The following LIN52 variants were observed in gnomAD, a reference collection of about 807,000 sequenced individuals.
LIN52 encodes the protein lin-52 DREAM MuvB core complex component.
A neutral mutation model predicts 18.5 loss-of-function variants in LIN52; 4 were observed. That is an observed-to-expected ratio of 0.22 (90% CI 0.11 to 0.49). The LOEUF is 0.49. Among genes scored for constraint, LIN52 ranks in the 20% least tolerant of loss-of-function variants. The pLI is 0.97. For missense variants in LIN52, 102 were observed against 139.5 expected, an observed-to-expected ratio of 0.73 and a Z score of 1.35; for synonymous variants, 34 against 45.5, an observed-to-expected ratio of 0.75 and a Z score of 1.02.
chr14:74,198,391 C>T (rs1362198083), intron 5 of LIN52, among the ~76,000 whole-genome samples: 1 of 152,170 alleles, frequency 6.6e-6, no homozygotes, highest in South Asian at 2.1e-4. Flanking sequence ...ATAAACCCTA[C>T]TTTATGACAC....
At chr14:74,119,173 T>C (rs1001561499) in intron 5 of LIN52, among the ~76,000 whole-genome samples, 2 of 148,738 alleles carry the variant, frequency 1.3e-5, no homozygotes, top group African/African-American at 4.9e-5. Flanking sequence ...TTTTTTTTTT[T>C]TTTTTTGAGA....
At chr14:74,116,553 A>G (rs1014870732) in intron 5 of LIN52, among the ~76,000 whole-genome samples, 3 of 152,060 alleles carry the variant, frequency 2.0e-5, no homozygotes, top group Non-Finnish European at 4.4e-5. Flanking sequence ...TAAAAATACA[A>G]AAATTAGTCA....
chr14:74,169,838 G>A (rs2139573652), intron 5 of LIN52, among the ~76,000 whole-genome samples: 1 of 152,342 alleles, frequency 6.6e-6, no homozygotes, highest in East Asian at 1.9e-4. Context: ...GTGAGGGACA[G>A]TCATGTAATC....
intron 5 of LIN52, among the ~76,000 whole-genome samples, chr14:74,190,131 A>G (rs1166523017): frequency 6.6e-6 from 1 of 152,116 alleles, no homozygotes; most frequent in Non-Finnish European, 1.5e-5. Context: ...AAGTAAAATA[A>G]ATAATAAAAT....
intron 5 of LIN52, among the ~76,000 whole-genome samples, chr14:74,162,475 C>CA (rs35116380): frequency 0.15 from 14,579 of 95,280 alleles, 1,624 homozygotes; most frequent in African/African-American, 0.26. Flanking sequence ...CTCCATCTCA[C>CA]AAAAAAAAAA....
At chr14:74,117,383 C>T (rs2060971430) in intron 5 of LIN52, among the ~76,000 whole-genome samples, 1 of 152,090 alleles carries the variant, frequency 6.6e-6, no homozygotes, top group African/African-American at 2.4e-5. Context: ...GTATTAAGTA[C>T]TCAGTAGGAG....
rs1378465610 is a variant in LIN52 at position 74,119,364 on chromosome 14, CTG to C, written c.283+18130_283+18131del. 2.0e-5 allele frequency among the ~76,000 whole-genome samples: 3 copies of C among 151,930 alleles called. No individual in the cohort carries two copies. In the East Asian group the frequency reaches 5.8e-4, roughly 29 times the overall value. ...TATTTTTAGTAGAGACAGGGTTTCA[CTG>C]TGTTAGCTAGGATGGTCTCGATCTC... On this transcript the variant is annotated intron_variant, in intron 5 of 5. Transcript: ENST00000555028.
chr14:74,157,003 T>G (rs1391099978), intron 5 of LIN52, among the ~76,000 whole-genome samples: 1 of 151,860 alleles, frequency 6.6e-6, no homozygotes, highest in Admixed American at 6.6e-5. Flanking sequence ...TAAGTAGTAT[T>G]TCATTATGTA....
intron 5 of LIN52, among the ~76,000 whole-genome samples, chr14:74,179,655 CAAA>C (rs66652238): frequency 8.3e-6 from 1 of 120,386 alleles, no homozygotes. Flanking sequence ...GACTCCATCT[CAAA>C]AAAAAAAAAA....
chr14:74,196,895 G>A (rs62006791), intron 5 of LIN52, among the ~76,000 whole-genome samples: 14,871 of 152,204 alleles, frequency 0.098, 804 homozygotes, highest in South Asian at 0.17. Flanking sequence ...AGCCCAAGGT[G>A]TCACCCTGCT....
chr14:74,147,948 GGTAA>G (rs1172333072), intron 5 of LIN52, among the ~76,000 whole-genome samples: 4 of 152,068 alleles, frequency 2.6e-5, no homozygotes, highest in Non-Finnish European at 4.4e-5. Context: ...TGGTTGAGAT[GGTAA>G]GTGTTATGTA....
chr14:74,091,247 C>A lies in LIN52; in HGVS notation c.35C>A (p.Ala12Glu). 6.2e-7 allele frequency: 1 copy of A among 1,611,018 alleles called. No homozygotes were observed. Among genetic ancestry groups the A allele is most frequent in the Non-Finnish European group, 8.5e-7 (1 of 1,177,478 alleles). ...TTTGTTCTAGGGACAGATCTGGAAG[C>A]ATCTTTGCTAAGTTTTGAAAAACTT... ...ASPTDGTDLE[A>E]SLLSFEKLDR... Residue 12 changes from alanine to glutamate, a missense_variant, in exon 2 of 6, where the codon GCA becomes GAA. Ala to Glu is a moderately radical substitution (Grantham distance 107). Coordinates refer to ENST00000555028, the MANE Select transcript of LIN52 (RefSeq NM_001024674.3).
At chr14:74,164,303 G>A (rs1433703854) in intron 5 of LIN52, among the ~76,000 whole-genome samples, 1 of 112,200 alleles carries the variant, frequency 8.9e-6, no homozygotes, top group East Asian at 3.0e-4. Context: ...TTTTGCTTTT[G>A]AGACAGGGTC....
At chr14:74,166,822 C>T (rs1036886537) in intron 5 of LIN52, among the ~76,000 whole-genome samples, 25 of 152,046 alleles carry the variant, frequency 1.6e-4, no homozygotes, top group African/African-American at 5.3e-4. Context: ...TTATTAAGGT[C>T]CTCTAAATAT....
intron 5 of LIN52, among the ~76,000 whole-genome samples, chr14:74,160,443 C>T (rs1477680156): frequency 6.6e-6 from 1 of 152,170 alleles, no homozygotes. Flanking sequence ...TGCTGCCGTT[C>T]TTAGCCTAGA....
In LIN52 at chr14:74,199,260, G is replaced by T; in HGVS notation, c.*283G>T. The T allele has an allele frequency of 3.3e-6, 1 of 298,592 alleles. No individual in the cohort carries two copies. Among genetic ancestry groups the T allele is most frequent in the Non-Finnish European group, 6.2e-6 (1 of 162,024 alleles). The allele number at this position is 298,592 out of a possible 1,614,324, so 18.5% of individuals were successfully genotyped here. ...AGCTGAGGGCATATCATTCTTAAAG[G>T]TCGAAGTCCTGCTTTCTCATTTCTG... is the stretch of plus-strand genomic sequence containing the variant. On this transcript the variant is annotated 3_prime_UTR_variant, in exon 6 of 6. Coordinates refer to ENST00000555028, the MANE Select transcript of LIN52 (RefSeq NM_001024674.3).
chr14:74,191,022 A>G (rs968983083), intron 5 of LIN52, among the ~76,000 whole-genome samples: 1 of 152,164 alleles, frequency 6.6e-6, no homozygotes, highest in African/African-American at 2.4e-5. Flanking sequence ...TGACTTATTG[A>G]TCACTTAGTG....
intron 5 of LIN52, among the ~76,000 whole-genome samples, chr14:74,196,199 G>A (rs1247390722): frequency 6.6e-6 from 1 of 152,184 alleles, no homozygotes; most frequent in African/African-American, 2.4e-5. Flanking sequence ...TAGAAAAAGG[G>A]TTGTTAAAAA....
intron 3 of LIN52, 96 bp downstream of exon 3, chr14:74,096,081 TG>T (rs1203126020): frequency 1.4e-5 from 12 of 839,106 alleles, no homozygotes; most frequent in Non-Finnish European, 1.8e-5. Flanking sequence ...ATTTTATTTA[TG>T]GCAGAGTCTC....
Sources: gnomAD v4.1 joint callset for allele counts (sites outside exome capture counted in the v4.1 genomes callset) on GRCh38, gnomAD v4.1.1 for gene constraint, MANE v1.5 for transcripts, NCBI Gene and HGNC (gene_info 2026-07-23, HGNC 2026-07-21) for gene names.